DSG4: variants seen among roughly 807,000 people sequenced by gnomAD.
DSG4 encodes the protein desmoglein 4.
In DSG4, 87 loss-of-function variants were observed where a neutral mutation model predicts 93.1. The ratio of observed to expected loss-of-function variants is 0.93; its 90% confidence interval spans 0.79 to 1.12. The LOEUF (loss-of-function observed/expected upper bound fraction) is 1.12. Among genes scored for constraint, DSG4 ranks in the 50% most tolerant of loss-of-function variants. The pLI, the probability that DSG4 is intolerant of heterozygous loss-of-function variation, is 0.00. For synonymous variants in DSG4, 432 were observed against 452.9 expected (o/e 0.95, Z 0.59); for missense variants, 1,373 against 1,285.7 (o/e 1.07, Z -1.04).
chr18:31,404,266 C>T (rs1237008839), intron 11 of DSG4, among the ~76,000 whole-genome samples: 1 of 151,886 alleles, frequency 6.6e-6, no homozygotes, highest in Admixed American at 6.6e-5. Flanking sequence ...AATGCATAAA[C>T]CAAAGAAAGT....
At chr18:31,402,928 G>A (rs1355836457) in intron 10 of DSG4, among the ~76,000 whole-genome samples, 2 of 152,150 alleles carry the variant, frequency 1.3e-5, no homozygotes, top group African/African-American at 4.8e-5. Context: ...AAAATAAACA[G>A]TGAGCACACA....
At chr18:31,379,374 A>G (rs1598732053) in intron 1 of DSG4, among the ~76,000 whole-genome samples, 1 of 152,204 alleles carries the variant, frequency 6.6e-6, no homozygotes, top group South Asian at 2.1e-4. Flanking sequence ...GAATACTTAC[A>G]TAGTAGAAGT....
Position 31,400,969 on chromosome 18 carries a change from T to C in DSG4, c.1366T>C (p.Ser456Pro), listed in dbSNP as rs748330012. ...IQFSREFDKK[S>P]KYIINGIYTA... ...ATTTTCTAGAGAATTTGATAAGAAG[T>C]CAAAATATATTATCAATGGGATATA... The change falls in exon 10 of 16, where the codon TCA becomes CCA. Residue 456 changes from serine to proline, a missense_variant. By Grantham distance (74) the Ser-to-Pro change is moderately conservative. Coordinates refer to ENST00000308128, the MANE Select transcript of DSG4 (RefSeq NM_177986.5). 44 of 1,611,534 alleles carry C rather than the reference T, an allele frequency of 2.7e-5. No individual in the cohort carries two copies. In the Middle Eastern group the frequency reaches 1.0e-3, roughly 37 times the overall value.
chr18:31,409,572 G>A lies in DSG4; in HGVS notation c.2054G>A (p.Gly685Glu), dbSNP rs746289290. 1 of 1,614,172 alleles carries A rather than the reference G, an allele frequency of 6.2e-7. No individual in the cohort carries two copies. Reference protein sequence around the residue: ...EGVMQSWRIEGAHPEDRDVSN... With the variant: ...EGVMQSWRIEEAHPEDRDVSN... The stretch of plus-strand genomic sequence containing the variant: ...GTGATGCAGTCTTGGAGAATTGAAG[G>A]GGCCCATCCCGAGGACAGGGTAAGT... The change falls in exon 13 of 16, where the codon GGG (glycine) becomes GAG (glutamate). Residue 685 changes from glycine to glutamate, a missense_variant. Physicochemically the swap from Gly to Glu is moderately conservative, Grantham distance 98. Transcript: ENST00000308128.
chr18:31,393,622 G>A (rs1330290785), intron 8 of DSG4, among the ~76,000 whole-genome samples: 1 of 152,018 alleles, frequency 6.6e-6, no homozygotes, highest in African/African-American at 2.4e-5. Flanking sequence ...CCCTCACCAG[G>A]CCCCACCTCC....
intron 5 of DSG4, 99 bp downstream of exon 5, chr18:31,389,117 A>C: frequency 7.3e-7 from 1 of 1,373,974 alleles, no homozygotes; most frequent in South Asian, 1.2e-5. Context: ...AAGGACAGAA[A>C]AAGCCACACT....
chr18:31,390,823 G>A lies in DSG4; in HGVS notation c.684+1G>A. 1 of 1,613,206 alleles carries A rather than the reference G, an allele frequency of 6.2e-7. No homozygotes were observed. Among genetic ancestry groups the A allele is most frequent in the Admixed American group, 1.7e-5 (1 of 59,890 alleles). On this transcript the variant is annotated splice_donor_variant, in intron 6 of 15. Transcript: ENST00000308128. LOFTEE classifies it high-confidence loss of function. ...CATGTCCAGTTTCTTGGACAGAGAG[G>A]TAAAGCCTTCTGTGAATGAACAAGA...
At chr18:31,386,192 A>T (rs909044116) in intron 2 of DSG4, among the ~76,000 whole-genome samples, 1 of 152,186 alleles carries the variant, frequency 6.6e-6, no homozygotes, top group Non-Finnish European at 1.5e-5. Context: ...GCTTAGCCAC[A>T]GTGGTGTCCT....
At chr18:31,400,273 C>A (rs911647879) in intron 9 of DSG4, among the ~76,000 whole-genome samples, 16 of 152,148 alleles carry the variant, frequency 1.1e-4, no homozygotes, top group African/African-American at 3.9e-4. Context: ...AACAAATTGA[C>A]AGACGCAAAA....
intron 9 of DSG4, among the ~76,000 whole-genome samples, chr18:31,400,511 C>CA (rs5823806): frequency 0.021 from 3,203 of 151,486 alleles, 106 homozygotes; most frequent in African/African-American, 0.073. Context: ...TGAAAAGCCA[C>CA]AAAAAAAATC....
chr18:31,399,182 C>G (rs545724872), intron 8 of DSG4, 90 bp from the exon 9 acceptor site: 1 of 1,537,392 alleles, frequency 6.5e-7, no homozygotes, highest in African/African-American at 1.4e-5. Context: ...GGACCTTATT[C>G]TAGTGTGTGG....
Position 31,412,945 on chromosome 18 carries a change from G to A in DSG4, c.2473G>A (p.Val825Met). The change falls in exon 16 of 16, where the codon GTG (valine) becomes ATG (methionine). Residue 825 changes from valine to methionine, a missense_variant. By Grantham distance (21) the Val-to-Met change is conservative. Transcript: ENST00000308128. ...CTCTATTGGTTGTTGCAGTTGGATT[G>A]TGGATGACTTAGATGAAAGCTGCAT... Reference protein sequence around the residue: ...VGSIGCCSWIVDDLDESCMET... With the variant: ...VGSIGCCSWIMDDLDESCMET... The A allele has an allele frequency of 6.2e-7, 1 of 1,614,204 alleles. No homozygotes were observed. Among genetic ancestry groups the A allele is most frequent in the South Asian group, 1.1e-5 (1 of 91,082 alleles).
chr18:31,412,880 T>TG lies in DSG4; in HGVS notation c.2409dup (p.Leu804AlafsTer4). On this transcript the variant is annotated frameshift_variant, in exon 16 of 16. Transcript: ENST00000308128. LOFTEE classifies it high-confidence loss of function. ...GAAGGTCGACCAGCCAATGACTGCTTGCTCATTTATGACCACGAGGGAGTC... is the reference window on the plus strand; with the variant it reads ...GAAGGTCGACCAGCCAATGACTGCTTGGCTCATTTATGACCACGAGGGAGTC... 1 of 1,614,232 alleles carries TG rather than the reference T, an allele frequency of 6.2e-7. No individual in the cohort carries two copies. The highest frequency in any genetic ancestry group is 8.5e-7 in the Non-Finnish European group (1 of 1,180,032).
chr18:31,411,781 A>AG (rs2072496445), intron 15 of DSG4, among the ~76,000 whole-genome samples: 1 of 151,406 alleles, frequency 6.6e-6, no homozygotes, highest in African/African-American at 2.5e-5. Flanking sequence ...ATGCTCATCA[A>AG]GGGGAAAAAA....
chr18:31,389,510 C>T (rs182914845), intron 5 of DSG4, among the ~76,000 whole-genome samples: 40 of 152,238 alleles, frequency 2.6e-4, no homozygotes, highest in Non-Finnish European at 4.9e-4. Context: ...TCTTTCATTT[C>T]TTTCCATTCC....
At chr18:31,395,718 A>G (rs534907027) in intron 8 of DSG4, among the ~76,000 whole-genome samples, 1 of 152,232 alleles carries the variant, frequency 6.6e-6, no homozygotes, top group South Asian at 2.1e-4. Context: ...GACTCAATTC[A>G]AAGGATTTAA....
rs374710829 is a variant in DSG4, at chr18:31,406,208, G to C, written c.1768G>C (p.Asp590His). ...QMVQLYACDCDDNHMCLDSGA... is the reference protein window; with the variant it reads ...QMVQLYACDCHDNHMCLDSGA... ...GGTGCAGTTATATGCCTGTGATTGC[G>C]ATGACAACCACATGTGCCTGGACTC... The change falls in exon 12 of 16, where the codon GAT becomes CAT. Residue 590 changes from aspartate (D) to histidine (H), a missense_variant. Physicochemically the swap from Asp to His is moderately conservative, Grantham distance 81 (BLOSUM62 -1). Transcript: ENST00000308128. The C allele has an allele frequency of 9.9e-6, 16 of 1,614,118 alleles. No homozygotes were observed. Among genetic ancestry groups the C allele is most frequent in the Admixed American group, 1.7e-5 (1 of 60,020 alleles).
chr18:31,393,098 A>G (rs1308055604), intron 8 of DSG4, among the ~76,000 whole-genome samples: 1 of 152,238 alleles, frequency 6.6e-6, no homozygotes, highest in East Asian at 1.9e-4. Flanking sequence ...TAAGATTCAG[A>G]TTAACATTAC....
intron 12 of DSG4, among the ~76,000 whole-genome samples, chr18:31,408,441 T>C (rs1380657189): frequency 7.2e-5 from 11 of 152,224 alleles, no homozygotes; most frequent in Admixed American, 5.2e-4. Context: ...ATGTATAACT[T>C]GACCTTTCAC....
Sources: gnomAD v4.1 joint callset for allele counts (sites outside exome capture counted in the v4.1 genomes callset) on GRCh38, gnomAD v4.1.1 for gene constraint, MANE v1.5 for transcripts, NCBI Gene and HGNC (gene_info 2026-07-23, HGNC 2026-07-21) for gene names.